Variants in SCAPER observed in about 807,000 individuals in gnomAD.
SCAPER encodes the protein S phase cyclin A-associated protein in the endoplasmic reticulum.
SCAPER carries 98 observed loss-of-function variants against 182.2 expected under a neutral mutation model. The observed-to-expected ratio is 0.54, with a 90% CI of 0.46 to 0.64. SCAPER has a LOEUF of 0.64. Among genes scored for constraint, SCAPER ranks in the 30% least tolerant of loss-of-function variants. SCAPER has a pLI of 0.00. For synonymous variants in SCAPER, 605 were observed against 564.6 expected, an observed-to-expected ratio of 1.07 and a Z score of -1.01; for missense variants, 1,432 against 1,690.0, an observed-to-expected ratio of 0.85 and a Z score of 2.68.
chr15:76,512,027 C>T (rs2042091173), intron 23 of SCAPER, among the ~76,000 whole-genome samples: 1 of 151,408 alleles, frequency 6.6e-6, no homozygotes, highest in Admixed American at 6.6e-5. Context: ...GGATTACAGG[C>T]ACCTGACAAC....
chr15:76,696,873 A>G (rs1455210356), intron 20 of SCAPER, among the ~76,000 whole-genome samples: 3 of 152,188 alleles, frequency 2.0e-5, no homozygotes, highest in Non-Finnish European at 4.4e-5. Flanking sequence ...AACTTCAAAC[A>G]CAGTCCATTT....
chr15:76,510,037 A>C (rs894711790), intron 23 of SCAPER, among the ~76,000 whole-genome samples: 5 of 152,228 alleles, frequency 3.3e-5, no homozygotes, highest in African/African-American at 1.2e-4. Context: ...AGGAGAATGA[A>C]ACTGGATCCT....
At position 76,500,886 on chromosome 15, in the gene SCAPER, A is replaced by G. The variant is rs1300671285; in HGVS notation, c.2954+3973T>C. On this transcript the variant is annotated intron_variant, in intron 24 of 31. Coordinates refer to ENST00000563290, the MANE Select transcript of SCAPER (RefSeq NM_020843.4). ...GAAACCCTGTCTCTACTAAAAATAC[A>G]AAAAAAAAGAGCCAGGCATGGTGGC... 1.3e-5 allele frequency among the ~76,000 whole-genome samples: 2 copies of G among 150,654 alleles called. 1 individual carries two copies. The highest frequency in any genetic ancestry group is 3.9e-4 in the East Asian group (2 of 5,156).
In SCAPER at chr15:76,637,722, T is replaced by TTATATATA. The variant is rs369760680; in HGVS notation, c.2646-15901_2646-15894dup. 1.9e-3 allele frequency among the ~76,000 whole-genome samples: 145 copies of TTATATATA among 77,768 alleles called. 2 individuals carry two copies. The highest frequency in any genetic ancestry group is 3.0e-3 in the African/African-American group (62 of 20,954). The allele number at this position is 77,768 out of a possible 152,430, so 51.0% of individuals were successfully genotyped here. A position where few individuals can be genotyped will look rare whatever the true frequency, so the allele number is the denominator to read the frequency against. Reference sequence around the variant, plus strand: ...CCCTATCTCTACAATATATATGTGATTATATATATATATATATATATGTGT... The same window carrying TTATATATA: ...CCCTATCTCTACAATATATATGTGATTATATATATATATATATATATATATATATGTGT... On this transcript the variant is annotated intron_variant, in intron 21 of 31. Coordinates refer to ENST00000563290, the MANE Select transcript of SCAPER (RefSeq NM_020843.4).
In SCAPER at chr15:76,774,972, T is replaced by C. The variant is rs2063663109; in HGVS notation, c.918A>G (p.Leu306=). 6.2e-7 allele frequency: 1 copy of C among 1,613,860 alleles called. No homozygotes were observed. Among genetic ancestry groups the C allele is most frequent in the Non-Finnish European group, 8.5e-7 (1 of 1,179,782 alleles). ...DDSDKENVCL[L]PDESIQKGQF... Reference sequence around the variant, plus strand: ...GACCTTTCTGTATGCTTTCATCAGGTAAAAGACATACATTTTCTTTATCAC... The same window carrying C: ...GACCTTTCTGTATGCTTTCATCAGGCAAAAGACATACATTTTCTTTATCAC... The change falls in exon 9 of 32, where the codon TTA becomes TTG. Residue 306 remains leucine, a synonymous_variant. Coordinates refer to ENST00000563290, the MANE Select transcript of SCAPER (RefSeq NM_020843.4).
chr15:76,466,361 A>AG (rs1445022782), intron 25 of SCAPER, among the ~76,000 whole-genome samples: 1 of 108,508 alleles, frequency 9.2e-6, no homozygotes. Context: ...TTGAACCCCT[A>AG]TTGTGAATTT....
chr15:76,798,267 C>T (rs1598790639), intron 7 of SCAPER, among the ~76,000 whole-genome samples: 1 of 149,854 alleles, frequency 6.7e-6, no homozygotes, highest in Admixed American at 6.7e-5. Flanking sequence ...GGCTAAGGCA[C>T]GAGAATCGCT....
At chr15:76,372,458 C>T (rs1176817227) in intron 29 of SCAPER, among the ~76,000 whole-genome samples, 2 of 152,172 alleles carry the variant, frequency 1.3e-5, no homozygotes, top group Non-Finnish European at 2.9e-5. Flanking sequence ...CCCCTTAACT[C>T]GGAGCCCAGA....
At chr15:76,846,178 A>T (rs1477629001) in intron 4 of SCAPER, among the ~76,000 whole-genome samples, 2 of 152,188 alleles carry the variant, frequency 1.3e-5, no homozygotes, top group Non-Finnish European at 2.9e-5. Flanking sequence ...CTCTCACCAT[A>T]TACAAACCTC....
intron 22 of SCAPER, among the ~76,000 whole-genome samples, chr15:76,609,358 G>A (rs945841251): frequency 5.3e-5 from 8 of 151,638 alleles, no homozygotes; most frequent in Admixed American, 1.3e-4. Flanking sequence ...GCATGGTGGC[G>A]TGTGCCTGTA....
intron 14 of SCAPER, among the ~76,000 whole-genome samples, chr15:76,755,052 AAAGT>A (rs1204618079): frequency 6.6e-6 from 1 of 152,198 alleles, no homozygotes; most frequent in African/African-American, 2.4e-5. Flanking sequence ...GAAAACATCT[AAAGT>A]CTTGTATACT....
intron 23 of SCAPER, among the ~76,000 whole-genome samples, chr15:76,559,879 C>A (rs193281020): frequency 1.3e-5 from 2 of 151,836 alleles, no homozygotes; most frequent in Non-Finnish European, 2.9e-5. Context: ...ATATATGCCC[C>A]TAAAACTAAA....
At chr15:76,812,899 GAAA>G (rs199538401) in intron 5 of SCAPER, among the ~76,000 whole-genome samples, 1 of 145,050 alleles carries the variant, frequency 6.9e-6, no homozygotes, top group Non-Finnish European at 1.5e-5. Flanking sequence ...AATACTTCCA[GAAA>G]AAAAAAAATA....
At chr15:76,607,771 C>T (rs1390888568) in intron 22 of SCAPER, among the ~76,000 whole-genome samples, 1 of 151,554 alleles carries the variant, frequency 6.6e-6, no homozygotes, top group African/African-American at 2.4e-5. Flanking sequence ...TTCATTTTGT[C>T]TTCCATCGCT....
At chr15:76,790,431 T>C (rs961077225) in intron 8 of SCAPER, among the ~76,000 whole-genome samples, 2 of 152,190 alleles carry the variant, frequency 1.3e-5, no homozygotes, top group African/African-American at 2.4e-5. Flanking sequence ...ACCTGGAATG[T>C]TCTTCATGAA....
In SCAPER at chr15:76,897,036, G is replaced by A. The variant is rs144591316; in HGVS notation, c.-60+8263C>T. Among the ~76,000 whole-genome samples, 125 of 152,082 alleles carry A rather than the reference G, an allele frequency of 8.2e-4. 1 individual carries two copies. Among genetic ancestry groups the A allele is most frequent in the African/African-American group, 2.8e-3 (117 of 41,488 alleles). On this transcript the variant is annotated intron_variant, in intron 1 of 31. Coordinates refer to ENST00000563290, the MANE Select transcript of SCAPER (RefSeq NM_020843.4). The stretch of plus-strand genomic sequence containing the variant: ...AGTCTGCCAATTACAAACTACACTC[G>A]CCTTTAGATAAATTCTTTAACATTT...
intron 14 of SCAPER, among the ~76,000 whole-genome samples, chr15:76,764,355 A>G (rs1470663290): frequency 6.6e-6 from 1 of 152,192 alleles, no homozygotes; most frequent in Non-Finnish European, 1.5e-5. Flanking sequence ...TTAAGAAGTG[A>G]GCATCCCTGG....
intron 23 of SCAPER, among the ~76,000 whole-genome samples, chr15:76,550,654 T>A (rs2045688205): frequency 6.6e-6 from 1 of 152,236 alleles, no homozygotes; most frequent in Non-Finnish European, 1.5e-5. Context: ...GCAATAAACA[T>A]ACGTGTGCAT....
intron 29 of SCAPER, among the ~76,000 whole-genome samples, chr15:76,357,969 A>T (rs1436686913): frequency 2.6e-5 from 4 of 152,206 alleles, no homozygotes; most frequent in Non-Finnish European, 5.9e-5. Flanking sequence ...GAGGAATGAG[A>T]AATTACCTGA....
Sources: allele counts gnomAD v4.1 joint callset (sites outside exome capture counted in the v4.1 genomes callset), GRCh38; gene constraint gnomAD v4.1.1; transcripts MANE v1.5; gene names NCBI Gene and HGNC (gene_info 2026-07-23, HGNC 2026-07-21).